Variants in FHIT observed in about 807,000 individuals in gnomAD.
FHIT encodes bis(5'-adenosyl)-triphosphatase.
FHIT carries 19 observed loss-of-function variants against 17.9 expected under a neutral mutation model. The observed-to-expected ratio is 1.06, with a 90% confidence interval of 0.74 to 1.56. The LOEUF is 1.56. Among genes scored for constraint, FHIT ranks in the 40% most tolerant of loss-of-function variants. The pLI is 0.00. For synonymous variants in FHIT, 81 were observed against 69.7 expected (o/e 1.16, Z -0.81); for missense variants, 248 against 189.2 (o/e 1.31, Z -1.82).
At chr3:60,438,571 G>A (rs1300093670) in intron 5 of FHIT, among the ~76,000 whole-genome samples, 2 of 152,048 alleles carry the variant, frequency 1.3e-5, no homozygotes, top group Non-Finnish European at 2.9e-5. Context: ...CCTTTGCTGT[G>A]TCTTGTTTAA....
At chr3:61,216,159 C>A (rs903481314) in intron 1 of FHIT, among the ~76,000 whole-genome samples, 18 of 152,150 alleles carry the variant, frequency 1.2e-4, no homozygotes, top group South Asian at 6.2e-4. Context: ...TAATTAAACT[C>A]AAGAGCTTCT....
chr3:60,144,826 G>A (rs1700173671), intron 5 of FHIT, among the ~76,000 whole-genome samples: 1 of 152,068 alleles, frequency 6.6e-6, no homozygotes, highest in Non-Finnish European at 1.5e-5. Context: ...TAAAATACCA[G>A]AATGTATTTC....
chr3:60,694,500 G>A (rs568016473), intron 4 of FHIT, among the ~76,000 whole-genome samples: 75 of 152,308 alleles, frequency 4.9e-4, no homozygotes, highest in African/African-American at 1.7e-3. Flanking sequence ...GTGGAAGTCA[G>A]TGTGGCGATT....
intron 5 of FHIT, among the ~76,000 whole-genome samples, chr3:60,065,102 G>A (rs1025096726): frequency 3.9e-5 from 6 of 152,256 alleles, no homozygotes; most frequent in Admixed American, 2.6e-4. Context: ...TGGGCAAAGA[G>A]CAATCAACTC....
intron 2 of FHIT, among the ~76,000 whole-genome samples, chr3:61,175,311 A>G (rs1378022418): frequency 6.6e-6 from 1 of 152,096 alleles, no homozygotes; most frequent in Non-Finnish European, 1.5e-5. Flanking sequence ...AGCCACCACA[A>G]ACTCTCCTAA....
intron 5 of FHIT, among the ~76,000 whole-genome samples, chr3:60,169,936 C>G (rs569157325): frequency 2.8e-4 from 42 of 152,320 alleles, no homozygotes; most frequent in Middle Eastern, 6.8e-3. Context: ...AGAGGAAGTA[C>G]TACACATGCC....
chr3:60,258,089 CACACACACACA>C (rs1706102979), intron 5 of FHIT, among the ~76,000 whole-genome samples: 2 of 143,662 alleles, frequency 1.4e-5, no homozygotes, highest in Admixed American at 6.9e-5. Context: ...CACACACACA[CACACACACACA>C]CCTCTGCAGA....
chr3:61,150,035 A>C (rs192426647), intron 2 of FHIT, among the ~76,000 whole-genome samples: 24 of 152,276 alleles, frequency 1.6e-4, no homozygotes, highest in Admixed American at 5.2e-4. Flanking sequence ...AGCCTAAGGC[A>C]CTGCCCCTGT....
intron 5 of FHIT, among the ~76,000 whole-genome samples, chr3:60,386,018 G>A (rs1161354757): frequency 6.6e-6 from 1 of 152,154 alleles, no homozygotes; most frequent in Non-Finnish European, 1.5e-5. Flanking sequence ...GTGCTTCTGA[G>A]TGCCATACCC....
intron 5 of FHIT, among the ~76,000 whole-genome samples, chr3:60,227,261 C>A (rs562068581): frequency 5.3e-5 from 8 of 152,280 alleles, no homozygotes; most frequent in African/African-American, 1.7e-4. Context: ...ATAAAATCAA[C>A]ATCTTTGCCT....
At chr3:60,514,870 G>C (rs1034117003) in intron 5 of FHIT, among the ~76,000 whole-genome samples, 2 of 146,626 alleles carry the variant, frequency 1.4e-5, no homozygotes, top group East Asian at 3.9e-4. Flanking sequence ...GGACACTGAG[G>C]ACTCTCCCAC....
chr3:60,550,525 TATAAACA>T (rs1466657716), intron 4 of FHIT, among the ~76,000 whole-genome samples: 1 of 152,058 alleles, frequency 6.6e-6, no homozygotes, highest in Non-Finnish European at 1.5e-5. Context: ...CTCAGCTATT[TATAAACA>T]GAAAACACCT....
chr3:59,988,974 T>A (rs923660232), intron 7 of FHIT, among the ~76,000 whole-genome samples: 5 of 152,098 alleles, frequency 3.3e-5, no homozygotes, highest in African/African-American at 1.2e-4. Context: ...TACAAATGAA[T>A]GCTCTAAGTA....
At chr3:60,719,472 T>G (rs527927992) in intron 4 of FHIT, among the ~76,000 whole-genome samples, 7 of 152,300 alleles carry the variant, frequency 4.6e-5, no homozygotes, top group African/African-American at 1.7e-4. Context: ...GTAGAGTTTA[T>G]GATTAAGATC....
intron 5 of FHIT, among the ~76,000 whole-genome samples, chr3:60,349,434 T>G (rs1040211670): frequency 2.0e-5 from 3 of 152,168 alleles, no homozygotes; most frequent in African/African-American, 7.2e-5. Flanking sequence ...TATAAACAAT[T>G]TGGATTTCCA....
chr3:60,605,450 A>G (rs576103766), intron 4 of FHIT, among the ~76,000 whole-genome samples: 2 of 152,322 alleles, frequency 1.3e-5, no homozygotes, highest in East Asian at 1.9e-4. Context: ...AGGACAAAGA[A>G]GTGTACGGAT....
chr3:60,020,302 AC>A lies in FHIT; in HGVS notation c.104-6151del, dbSNP rs546430271. Among the ~76,000 whole-genome samples the A allele has an allele frequency of 2.2e-3, 340 of 152,324 alleles. 1 individual carries two copies. Among genetic ancestry groups the A allele is most frequent in the African/African-American group, 7.7e-3 (319 of 41,572 alleles). ...AATACGAAATATTTAAACATGGAGC[AC>A]TGACAGATAAATGGAAATGTACTGA... On this transcript the variant is annotated intron_variant, in intron 5 of 9. Coordinates refer to ENST00000492590, the MANE Select transcript of FHIT (RefSeq NM_002012.4).
At chr3:59,988,983 T>C (rs1709108003) in intron 7 of FHIT, among the ~76,000 whole-genome samples, 1 of 152,100 alleles carries the variant, frequency 6.6e-6, no homozygotes, top group African/African-American at 2.4e-5. Flanking sequence ...ATGCTCTAAG[T>C]ATTTTTTAGA....
intron 4 of FHIT, among the ~76,000 whole-genome samples, chr3:60,637,700 T>C (rs1553684291): frequency 1.3e-5 from 2 of 152,344 alleles, no homozygotes; most frequent in Admixed American, 6.5e-5. Flanking sequence ...TCCTAAAACA[T>C]ATATACAGTA....
Sources: allele counts gnomAD v4.1 joint callset (sites outside exome capture counted in the v4.1 genomes callset), GRCh38; gene constraint gnomAD v4.1.1; transcripts MANE v1.5; gene names NCBI Gene and HGNC (gene_info 2026-07-23, HGNC 2026-07-21).